The following JMJD1C variants were observed in gnomAD, a reference collection of about 807,000 sequenced individuals.
The protein encoded by JMJD1C is jumonji domain-containing protein 1C.
JMJD1C carries 31 observed loss-of-function variants against 245.3 expected under a neutral mutation model. The observed-to-expected ratio is 0.13, with a 90% CI of 0.09 to 0.17. The LOEUF is 0.17. Ranked by LOEUF, JMJD1C falls within the 10% of genes least tolerant of loss-of-function variation. The pLI, the probability that JMJD1C is intolerant of heterozygous loss-of-function variation, is 1.00. For missense variants in JMJD1C, 2,691 were observed against 3,000.2 expected, an observed-to-expected ratio of 0.90 and a Z score of 2.41; for synonymous variants, 1,057 against 1,017.4, an observed-to-expected ratio of 1.04 and a Z score of -0.74.
chr10:63,188,538 A>C (rs1318638391), intron 18 of JMJD1C, among the ~76,000 whole-genome samples: 1 of 152,218 alleles, frequency 6.6e-6, no homozygotes, highest in Admixed American at 6.5e-5. Flanking sequence ...AACAAAGTAA[A>C]CATTTTCCAG....
chr10:63,379,711 G>A (rs1411548176), intron 2 of JMJD1C, among the ~76,000 whole-genome samples: 2 of 152,042 alleles, frequency 1.3e-5, no homozygotes, highest in Admixed American at 6.5e-5. Flanking sequence ...CTATCTCTCA[G>A]GTCCCTTTAA....
intron 2 of JMJD1C, among the ~76,000 whole-genome samples, chr10:63,265,094 A>G (rs1589330548): frequency 6.6e-6 from 1 of 152,088 alleles, no homozygotes; most frequent in East Asian, 1.9e-4. Flanking sequence ...GAAACAGTAA[A>G]CTGGGTTGTA....
intron 1 of JMJD1C, among the ~76,000 whole-genome samples, chr10:63,384,492 T>C (rs1947439211): frequency 6.6e-6 from 1 of 152,190 alleles, no homozygotes; most frequent in Non-Finnish European, 1.5e-5. Flanking sequence ...AATATTAATC[T>C]CCTTGAGAGC....
intron 3 of JMJD1C, among the ~76,000 whole-genome samples, chr10:63,257,973 T>G (rs886574953): frequency 6.6e-6 from 1 of 152,132 alleles, no homozygotes; most frequent in Admixed American, 6.5e-5. Context: ...TAAGAAAGAT[T>G]GTTAGAAGTA....
At chr10:63,362,939 T>TTA in intron 2 of JMJD1C, among the ~76,000 whole-genome samples, 2 of 152,294 alleles carry the variant, frequency 1.3e-5, no homozygotes, top group South Asian at 4.1e-4. Flanking sequence ...TGTAGGGCAC[T>TTA]TATTACCAGT....
intron 23 of JMJD1C, 117 bp downstream of exon 23, chr10:63,177,600 C>T (rs1458142732): frequency 9.3e-7 from 1 of 1,076,934 alleles, no homozygotes; most frequent in African/African-American, 1.6e-5. Flanking sequence ...CTCCCATCTA[C>T]TTTGAAGTAA....
intron 2 of JMJD1C, among the ~76,000 whole-genome samples, chr10:63,336,983 G>A (rs969873478): frequency 3.3e-5 from 5 of 151,956 alleles, no homozygotes; most frequent in African/African-American, 9.7e-5. Context: ...TGAGATTACA[G>A]GTGCCCGCCA....
At chr10:63,215,211 G>C (rs1471573614) in intron 7 of JMJD1C, 52 bp downstream of exon 7, 3 of 1,529,040 alleles carry the variant, frequency 2.0e-6, no homozygotes, top group African/African-American at 1.4e-5. Flanking sequence ...ATTTTAAAAT[G>C]TATTTTTGTT....
chr10:63,293,129 C>G (rs1269451355), intron 2 of JMJD1C, among the ~76,000 whole-genome samples: 1 of 152,142 alleles, frequency 6.6e-6, no homozygotes, highest in East Asian at 1.9e-4. Context: ...ACATTCTAAT[C>G]CCCATTATCA....
At chr10:63,340,147 C>T (rs1943234175) in intron 2 of JMJD1C, among the ~76,000 whole-genome samples, 1 of 152,186 alleles carries the variant, frequency 6.6e-6, no homozygotes, top group Non-Finnish European at 1.5e-5. Flanking sequence ...AATGACACCA[C>T]ATGTGGGAAT....
chr10:63,242,675 G>A (rs1013969086), intron 3 of JMJD1C, among the ~76,000 whole-genome samples: 3 of 152,128 alleles, frequency 2.0e-5, no homozygotes, highest in East Asian at 1.9e-4. Flanking sequence ...GCAGTGAAGC[G>A]AGACCACGCC....
chr10:63,483,114 T>C (rs1953880456), intron 1 of JMJD1C, among the ~76,000 whole-genome samples: 1 of 152,192 alleles, frequency 6.6e-6, no homozygotes, highest in African/African-American at 2.4e-5. Flanking sequence ...ATCAAAATAG[T>C]CTTTAAAATT....
chr10:63,397,907 A>G (rs1948605528), intron 1 of JMJD1C, among the ~76,000 whole-genome samples: 1 of 152,244 alleles, frequency 6.6e-6, no homozygotes, highest in Non-Finnish European at 1.5e-5. Context: ...ATAAATAATT[A>G]TTCAGCAATT....
chr10:63,258,324 G>A (rs1267959983), intron 3 of JMJD1C, among the ~76,000 whole-genome samples: 1 of 152,144 alleles, frequency 6.6e-6, no homozygotes, highest in Non-Finnish European at 1.5e-5. Flanking sequence ...TAACCATTAT[G>A]CTACAATGAA....
intron 1 of JMJD1C, among the ~76,000 whole-genome samples, chr10:63,481,366 T>C (rs1366687144): frequency 6.6e-6 from 1 of 152,206 alleles, no homozygotes; most frequent in Non-Finnish European, 1.5e-5. Context: ...GCAGATACCA[T>C]ATCTACTAGA....
intron 1 of JMJD1C, among the ~76,000 whole-genome samples, chr10:63,421,288 C>T (rs1250756791): frequency 6.6e-6 from 1 of 152,122 alleles, no homozygotes; most frequent in Non-Finnish European, 1.5e-5. Flanking sequence ...GAGCCGAGAT[C>T]GCCCCATTGC....
chr10:63,231,404 A>C (rs961049683), intron 3 of JMJD1C, among the ~76,000 whole-genome samples: 1 of 152,220 alleles, frequency 6.6e-6, no homozygotes, highest in African/African-American at 2.4e-5. Context: ...AAACACAATC[A>C]AAAACACTGA....
intron 3 of JMJD1C, chr10:63,222,281 G>T: frequency 1.0e-6 from 1 of 973,160 alleles, no homozygotes; most frequent in Non-Finnish European, 1.7e-6. Context: ...TGTCGAGATT[G>T]GTGTTAAAAA....
intron 1 of JMJD1C, among the ~76,000 whole-genome samples, chr10:63,516,051 G>T (rs759784637): frequency 2.6e-5 from 4 of 151,704 alleles, no homozygotes; most frequent in Non-Finnish European, 5.9e-5. Flanking sequence ...GTACTTTTAT[G>T]GTACTTTCAG....
Sources: gnomAD v4.1 joint callset for allele counts (sites outside exome capture counted in the v4.1 genomes callset) on GRCh38, gnomAD v4.1.1 for gene constraint, MANE v1.5 for transcripts, NCBI Gene and HGNC (gene_info 2026-07-23, HGNC 2026-07-21) for gene names.